The following SNRPN variants were observed in gnomAD, a reference collection of about 807,000 sequenced individuals.
SNRPN encodes small nuclear ribonucleoprotein-associated protein N.
SNRPN carries 7 observed loss-of-function variants against 25.2 expected under a neutral mutation model. The observed-to-expected ratio is 0.28, with a 90% CI of 0.16 to 0.52. SNRPN has a LOEUF of 0.52. SNRPN is among the 20% of genes least tolerant of loss of function. SNRPN has a pLI of 0.96. For synonymous variants in SNRPN, 124 were observed against 110.6 expected, an observed-to-expected ratio of 1.12 and a Z score of -0.76; for missense variants, 196 against 322.5, an observed-to-expected ratio of 0.61 and a Z score of 3.00.
At chr15:24,906,381 C>A (rs1348456827) in intron 2 of SNRPN, among the ~76,000 whole-genome samples, 1 of 152,186 alleles carries the variant, frequency 6.6e-6, no homozygotes, top group Admixed American at 6.5e-5. Flanking sequence ...GATTCACCCA[C>A]CTTGACCTCC....
At chr15:24,961,020 A>G (rs2074711639) in intron 1 of SNRPN, among the ~76,000 whole-genome samples, 1 of 152,104 alleles carries the variant, frequency 6.6e-6, no homozygotes, top group South Asian at 2.1e-4. Flanking sequence ...TGTTAAGCAA[A>G]TATTTTTTCC....
chr15:24,888,560 C>T (rs972891934), intron 2 of SNRPN, among the ~76,000 whole-genome samples: 7 of 152,156 alleles, frequency 4.6e-5, no homozygotes, highest in Admixed American at 3.9e-4. Context: ...AAGTAATTAT[C>T]AGATGTTTGT....
At chr15:24,932,457 C>T (rs950752143) in intron 3 of SNRPN, among the ~76,000 whole-genome samples, 3 of 152,158 alleles carry the variant, frequency 2.0e-5, no homozygotes, top group Non-Finnish European at 2.9e-5. Flanking sequence ...TGGTCTTGAA[C>T]TCCTGACCTC....
At chr15:24,958,486 G>GT (rs71127030) in intron 1 of SNRPN, among the ~76,000 whole-genome samples, 2,053 of 65,192 alleles carry the variant, frequency 0.031, 203 homozygotes, top group Non-Finnish European at 0.037. Context: ...CTGGCTCAAA[G>GT]TTTTTTTTTT....
intron 3 of SNRPN, among the ~76,000 whole-genome samples, chr15:24,947,917 T>C (rs1374290175): frequency 6.6e-6 from 1 of 151,986 alleles, no homozygotes; most frequent in Non-Finnish European, 1.5e-5. Flanking sequence ...TTTTTTTATA[T>C]TGATACCTCC....
intron 3 of SNRPN, among the ~76,000 whole-genome samples, chr15:24,925,484 C>T (rs2060316355): frequency 6.6e-6 from 1 of 152,054 alleles, no homozygotes; most frequent in African/African-American, 2.4e-5. Context: ...CCTACCACTC[C>T]CCAACACTTC....
intron 3 of SNRPN, among the ~76,000 whole-genome samples, chr15:24,945,179 T>C (rs772906716): frequency 2.6e-5 from 4 of 152,094 alleles, no homozygotes; most frequent in Non-Finnish European, 5.9e-5. Context: ...TGTGTGGTTG[T>C]AGTCATAGAC....
At chr15:24,828,317 A>C (rs2050244395) in intron 1 of SNRPN, among the ~76,000 whole-genome samples, 1 of 152,134 alleles carries the variant, frequency 6.6e-6, no homozygotes. Context: ...TCCATTCTGT[A>C]GGTATTGAAT....
At chr15:24,828,127 C>T (rs1354106523) in intron 1 of SNRPN, among the ~76,000 whole-genome samples, 2 of 152,004 alleles carry the variant, frequency 1.3e-5, no homozygotes, top group South Asian at 4.1e-4. Context: ...GAGATTAACT[C>T]ATAAATGAAA....
intron 1 of SNRPN, chr15:24,958,703 G>A (rs1479000484): frequency 6.6e-6 from 1 of 152,294 alleles, no homozygotes; most frequent in Non-Finnish European, 1.5e-5. Context: ...GTACAGATTA[G>A]CAGCCTATCA....
chr15:24,886,305 A>C (rs2057202251), intron 1 of SNRPN, among the ~76,000 whole-genome samples: 1 of 151,862 alleles, frequency 6.6e-6, no homozygotes, highest in Non-Finnish European at 1.5e-5. Context: ...ATTCTTAGTA[A>C]TTTTCCAACC....
At chr15:24,826,382 A>G (rs1043648684) in intron 1 of SNRPN, among the ~76,000 whole-genome samples, 1 of 152,122 alleles carries the variant, frequency 6.6e-6, no homozygotes, top group Admixed American at 6.5e-5. Flanking sequence ...ATGAGGAAAT[A>G]GTGGGCTTGC....
rs374121058 is a variant in SNRPN, at chr15:24,831,797, A to C, written c.-579+1892A>C. On this transcript the variant is annotated intron_variant, in intron 2 of 12. Transcript: ENST00000400100. ...AGATACATTCATTCTGCCTCCAATG[A>C]CAGTAATTCTCCCTTTTTAAGGCCG... Among the ~76,000 whole-genome samples, 6 of 152,178 alleles carry C rather than the reference A, an allele frequency of 3.9e-5. No individual in the cohort carries two copies. In the East Asian group the frequency reaches 9.6e-4, roughly 24 times the overall value.
rs151082360 is a variant in SNRPN at position 24,860,907 on chromosome 15, G to T, written c.-579+4191G>T. ...ACAAATCATAGGAAATGCAGGGATT[G>T]GGTTGAGGTGAGGTGGTTCAACCTA... On this transcript the variant is annotated intron_variant, in intron 1 of 11. Coordinates refer to the SNRPN transcript ENST00000400097. 1.8e-4 allele frequency among the ~76,000 whole-genome samples: 27 copies of T among 152,274 alleles called. No homozygotes were observed. The East Asian group carries it at 5.0e-3, about 28-fold the overall frequency.
chr15:24,977,677 A>C, intron 7 of SNRPN, 101 bp from the exon 8 acceptor site: 1 of 1,151,542 alleles, frequency 8.7e-7, no homozygotes, highest in Non-Finnish European at 1.2e-6. Context: ...ACATTGCAAC[A>C]GTTGTTTGTA....
chr15:24,954,666 G>C (rs572649487), upstream of SNRPN, among the ~76,000 whole-genome samples: 1 of 152,310 alleles, frequency 6.6e-6, no homozygotes, highest in East Asian at 1.9e-4. Flanking sequence ...AATTAGGATT[G>C]TTTGGCCAGT....
At chr15:24,855,470 A>G (rs2146280056), upstream of SNRPN, among the ~76,000 whole-genome samples, 1 of 152,270 alleles carries the variant, frequency 6.6e-6, no homozygotes, top group South Asian at 2.1e-4. Context: ...TTGTATGGAA[A>G]ACACATTCTA....
intron 1 of SNRPN, among the ~76,000 whole-genome samples, chr15:24,825,741 G>GTGTT (rs2050036262): frequency 6.6e-6 from 1 of 151,948 alleles, no homozygotes; most frequent in Admixed American, 6.5e-5. Flanking sequence ...ATTTTATAAT[G>GTGTT]TGTTAAATAT....
chr15:24,839,088 C>A lies in SNRPN; in HGVS notation c.-579+9183C>A, dbSNP rs1383265415. 2.0e-5 allele frequency among the ~76,000 whole-genome samples: 3 copies of A among 152,036 alleles called. No individual in the cohort carries two copies. The East Asian group carries it at 5.8e-4, about 29-fold the overall frequency. ...TCCATCCACATCAAGCTCAGTGTTT[C>A]CCAACATGTGCTGCAGTGCCCCATT... is the stretch of plus-strand genomic sequence containing the variant. On this transcript the variant is annotated intron_variant, in intron 2 of 12. Transcript: ENST00000400100.
Sources: allele counts gnomAD v4.1 joint callset (sites outside exome capture counted in the v4.1 genomes callset), GRCh38; gene constraint gnomAD v4.1.1; transcripts MANE v1.5; gene names NCBI Gene and HGNC (gene_info 2026-07-23, HGNC 2026-07-21).